The following CAST variants were observed in gnomAD, a reference collection of about 807,000 sequenced individuals.
CAST encodes calpastatin.
In CAST, 76 loss-of-function variants were observed where a neutral mutation model predicts 119.6. That is an observed-to-expected ratio of 0.64 (90% CI 0.53 to 0.77). CAST has a LOEUF of 0.77. Among genes scored for constraint, CAST ranks in the 30% least tolerant of loss-of-function variants. The pLI, the probability that CAST is intolerant of heterozygous loss-of-function variation, is 0.00. For missense variants in CAST, 953 were observed against 946.5 expected, an observed-to-expected ratio of 1.01 and a Z score of -0.09; for synonymous variants, 319 against 331.6, an observed-to-expected ratio of 0.96 and a Z score of 0.41.
the CAST span, among the ~76,000 whole-genome samples, chr5:96,171,674 A>G: frequency 2.8e-4 from 42 of 152,260 alleles, 1 homozygote; most frequent in Non-Finnish European, 1.5e-5. Flanking sequence ...TGTCTTTACC[A>G]GAAAATGAAG....
At chr5:96,504,344 CA>C in the CAST span, among the ~76,000 whole-genome samples, 1 of 151,774 alleles carries the variant, frequency 6.6e-6, no homozygotes, top group African/African-American at 2.4e-5. Flanking sequence ...GTGATCCTGT[CA>C]AAAAAAAGTC....
At chr5:96,622,525 T>C (rs1747632351) in intron 1 of CAST, among the ~76,000 whole-genome samples, 1 of 152,146 alleles carries the variant, frequency 6.6e-6, no homozygotes. Flanking sequence ...TGTTGGTTGA[T>C]AAGTGACATG....
intron 1 of CAST, among the ~76,000 whole-genome samples, chr5:96,669,468 T>G (rs76711566): frequency 0.024 from 3,694 of 152,072 alleles, 81 homozygotes; most frequent in Non-Finnish European, 0.038. Flanking sequence ...CTACCACACA[T>G]CTAGGAAAAA....
At chr5:96,565,539 G>T (rs1746451086) in intron 1 of CAST, among the ~76,000 whole-genome samples, 1 of 152,156 alleles carries the variant, frequency 6.6e-6, no homozygotes, top group African/African-American at 2.4e-5. Flanking sequence ...AACTACACAT[G>T]CTATTTAACA....
chr5:96,641,308 G>T lies in CAST; in HGVS notation c.61-34231G>T, dbSNP rs139742902. Among the ~76,000 whole-genome samples, 58 of 152,166 alleles carry T rather than the reference G, an allele frequency of 3.8e-4. 1 individual carries two copies. The East Asian group carries it at 0.011, about 28-fold the overall frequency. ...AATTACCTCTCTAGGTCTTGCACTA[G>T]GCAAGAAGGTATAAAATACCCTCTG... On this transcript the variant is annotated intron_variant, in intron 1 of 11. Transcript: ENST00000505143.
At chr5:96,481,612 G>A in the CAST span, among the ~76,000 whole-genome samples, 1 of 152,132 alleles carries the variant, frequency 6.6e-6, no homozygotes, top group Admixed American at 6.5e-5. Context: ...CTCTCCCTGG[G>A]AGCAAAGCAT....
chr5:96,198,841 C>T, the CAST span, among the ~76,000 whole-genome samples: 1 of 152,080 alleles, frequency 6.6e-6, no homozygotes, highest in East Asian at 1.9e-4. Flanking sequence ...ATTTTTATGA[C>T]TTGAATTTGT....
chr5:96,391,948 G>C, the CAST span: 1 of 151,996 alleles, frequency 6.6e-6, no homozygotes, highest in South Asian at 2.1e-4. Flanking sequence ...TCAGTGATAG[G>C]ATTGGAGAAG....
At chr5:96,670,747 C>T (rs1418500989) in intron 1 of CAST, among the ~76,000 whole-genome samples, 5 of 152,234 alleles carry the variant, frequency 3.3e-5, no homozygotes, top group Admixed American at 6.5e-5. Flanking sequence ...CTGCCCACCT[C>T]GGCCTCCCAA....
chr5:96,040,940 G>A, the CAST span, among the ~76,000 whole-genome samples: 1 of 152,172 alleles, frequency 6.6e-6, no homozygotes, highest in Non-Finnish European at 1.5e-5. Context: ...AGTCTCAGAA[G>A]GAATGCTACC....
At chr5:96,214,281 C>T in the CAST span, among the ~76,000 whole-genome samples, 1 of 152,108 alleles carries the variant, frequency 6.6e-6, no homozygotes, top group Non-Finnish European at 1.5e-5. Context: ...TATTTATAAG[C>T]CATACATTTC....
the CAST span, among the ~76,000 whole-genome samples, chr5:96,512,360 T>G: frequency 6.6e-6 from 1 of 152,208 alleles, no homozygotes; most frequent in Non-Finnish European, 1.5e-5. Context: ...AACCTGTATA[T>G]TTTGCAAGTG....
At chr5:96,252,328 C>T in the CAST span, among the ~76,000 whole-genome samples, 15 of 152,134 alleles carry the variant, frequency 9.9e-5, no homozygotes, top group African/African-American at 3.6e-4. Flanking sequence ...TTCATTCGCT[C>T]ATCTTTTTAA....
At chr5:96,143,836 T>C in the CAST span, among the ~76,000 whole-genome samples, 1 of 152,202 alleles carries the variant, frequency 6.6e-6, no homozygotes, top group Non-Finnish European at 1.5e-5. Context: ...TTTTGGATGA[T>C]GTGAAAAACA....
At chr5:96,166,892 G>T in the CAST span, among the ~76,000 whole-genome samples, 480 of 152,268 alleles carry the variant, frequency 3.2e-3, 1 homozygote, top group Non-Finnish European at 3.8e-3. Flanking sequence ...TGGTGAAAAT[G>T]TTTGGAGAGA....
intron 1 of CAST, among the ~76,000 whole-genome samples, chr5:96,663,939 C>CA (rs3048777): frequency 0.04 from 4,400 of 110,858 alleles, 239 homozygotes; most frequent in East Asian, 0.18. Context: ...GATTGCTTTC[C>CA]AAAAAAAAAA....
At chr5:96,430,543 G>T in the CAST span, among the ~76,000 whole-genome samples, 1 of 152,096 alleles carries the variant, frequency 6.6e-6, no homozygotes, top group African/African-American at 2.4e-5. Flanking sequence ...CTGTCAACTG[G>T]TTTTTCTTCT....
chr5:96,561,799 T>G (rs1209015201), intron 1 of CAST, among the ~76,000 whole-genome samples: 1 of 89,486 alleles, frequency 1.1e-5, no homozygotes, highest in African/African-American at 3.9e-5. Context: ...TTTTTTTGTT[T>G]TTTTTTTTTT....
the CAST span, among the ~76,000 whole-genome samples, chr5:96,382,455 C>G: frequency 6.6e-6 from 1 of 152,214 alleles, no homozygotes; most frequent in East Asian, 1.9e-4. Context: ...CCCTGGGCAT[C>G]AGCTATTATT....
Sources: allele counts gnomAD v4.1 joint callset (sites outside exome capture counted in the v4.1 genomes callset), GRCh38; gene constraint gnomAD v4.1.1; transcripts MANE v1.5; gene names NCBI Gene and HGNC (gene_info 2026-07-23, HGNC 2026-07-21).